CTXND2: variants seen among roughly 807,000 people sequenced by gnomAD.
CTXND2 encodes the protein cortexin domain containing 2.
At chr1:150,899,679 C>T (rs1256901905) in intron 1 of CTXND2, among the ~76,000 whole-genome samples, 1 of 152,082 alleles carries the variant, frequency 6.6e-6, no homozygotes, top group Non-Finnish European at 1.5e-5. Context: ...AAAACATGGC[C>T]TGATGCAGTG....
At chr1:150,902,040 C>T (rs587630113) in intron 1 of CTXND2, among the ~76,000 whole-genome samples, 8 of 152,070 alleles carry the variant, frequency 5.3e-5, no homozygotes, top group Non-Finnish European at 1.2e-4. Context: ...CCGAGGCAGG[C>T]GGATTACCTG....
chr1:150,887,425 T>C (rs1668788168), intron 1 of CTXND2, 112 bp downstream of exon 1: 1 of 151,288 alleles, frequency 6.6e-6, no homozygotes, highest in Admixed American at 6.7e-5. Flanking sequence ...CGTGGGGAAA[T>C]GACTGAAGGA....
At chr1:150,903,103 G>A (rs910221673) in intron 1 of CTXND2, among the ~76,000 whole-genome samples, 1 of 152,144 alleles carries the variant, frequency 6.6e-6, no homozygotes, top group African/African-American at 2.4e-5. Flanking sequence ...TTATAGCACA[G>A]CTGTAATTGA....
At chr1:150,911,441 AT>A (rs773402445) in intron 1 of CTXND2, among the ~76,000 whole-genome samples, 140 of 139,778 alleles carry the variant, frequency 1.0e-3, no homozygotes, top group Middle Eastern at 3.6e-3. Flanking sequence ...ATGTAAATTT[AT>A]TTTTTTTTTT....
intron 1 of CTXND2, among the ~76,000 whole-genome samples, chr1:150,910,971 A>AT (rs1334317766): frequency 1.3e-5 from 2 of 151,588 alleles, no homozygotes; most frequent in East Asian, 3.9e-4. Flanking sequence ...CGCCCAGCTA[A>AT]TTTTTTGTAT....
intron 1 of CTXND2, among the ~76,000 whole-genome samples, chr1:150,901,316 C>T (rs1163407313): frequency 1.3e-5 from 2 of 152,190 alleles, no homozygotes; most frequent in Non-Finnish European, 2.9e-5. Flanking sequence ...GATGCCAGTA[C>T]TCTCTAAATT....
At chr1:150,888,470 G>A (rs374973757) in intron 1 of CTXND2, among the ~76,000 whole-genome samples, 2 of 151,720 alleles carry the variant, frequency 1.3e-5, no homozygotes, top group Non-Finnish European at 1.5e-5. Context: ...CCGCGACCTC[G>A]GCCTCCCAAA....
At chr1:150,890,453 G>A (rs1380044482) in intron 1 of CTXND2, among the ~76,000 whole-genome samples, 3 of 152,152 alleles carry the variant, frequency 2.0e-5, no homozygotes, top group African/African-American at 7.2e-5. Context: ...TGATTAGAAG[G>A]TGGTACAAGA....
chr1:150,896,717 T>C (rs1309047060), intron 1 of CTXND2, among the ~76,000 whole-genome samples: 55 of 152,194 alleles, frequency 3.6e-4, no homozygotes, highest in Non-Finnish European at 2.1e-4. Flanking sequence ...AAGTTTTACA[T>C]ACCCACTTTA....
chr1:150,900,202 A>G (rs1571600779), intron 1 of CTXND2, among the ~76,000 whole-genome samples: 1 of 152,130 alleles, frequency 6.6e-6, no homozygotes, highest in Admixed American at 6.5e-5. Flanking sequence ...TGTAATACTC[A>G]CCGTGAAGGT....
intron 1 of CTXND2, among the ~76,000 whole-genome samples, chr1:150,902,840 G>C (rs1669065361): frequency 6.6e-6 from 1 of 152,150 alleles, no homozygotes; most frequent in East Asian, 1.9e-4. Context: ...TGAAGGGAAA[G>C]TAGTCACCTT....
chr1:150,893,379 T>G (rs1284719214), intron 1 of CTXND2, among the ~76,000 whole-genome samples: 1 of 152,208 alleles, frequency 6.6e-6, no homozygotes, highest in Non-Finnish European at 1.5e-5. Context: ...AAAGTTAATA[T>G]AGTGAACATT....
chr1:150,888,011 A>G (rs960935629), intron 1 of CTXND2, among the ~76,000 whole-genome samples: 4 of 151,940 alleles, frequency 2.6e-5, no homozygotes, highest in East Asian at 1.9e-4. Flanking sequence ...TTCTCCTACT[A>G]TAATCCCAAG....
intron 1 of CTXND2, among the ~76,000 whole-genome samples, chr1:150,900,874 G>A (rs917339351): frequency 6.6e-6 from 1 of 152,192 alleles, no homozygotes; most frequent in African/African-American, 2.4e-5. Context: ...GCTCACGCCT[G>A]TAATCCAAAG....
In CTXND2 at chr1:150,912,231, C is replaced by T. The variant is rs1669268198; in HGVS notation, c.-73-11C>T. On this transcript the variant is annotated splice_polypyrimidine_tract_variant and intron_variant, in intron 1 of 1. Transcript: ENST00000636087. ...CAAACCGATAAGCCTGTTTTATCCT[C>T]CTTTGTCTAGGAATATGACAAATCT... 1 of 397,888 alleles carries T rather than the reference C, an allele frequency of 2.5e-6. No individual in the cohort carries two copies. The highest frequency in any genetic ancestry group is 4.4e-6 in the Non-Finnish European group (1 of 225,988). 24.6% of individuals were successfully genotyped at this position (397,888 alleles called of 1,614,324 possible).
intron 1 of CTXND2, among the ~76,000 whole-genome samples, chr1:150,891,246 G>A (rs945275189): frequency 6.7e-5 from 10 of 149,672 alleles, no homozygotes; most frequent in Middle Eastern, 3.4e-3. Context: ...ACGGAGTCTC[G>A]CTCTGTCGCC....
At chr1:150,909,256 A>G (rs950003989) in intron 1 of CTXND2, among the ~76,000 whole-genome samples, 67 of 149,506 alleles carry the variant, frequency 4.5e-4, no homozygotes, top group Non-Finnish European at 8.9e-4. Context: ...AAAAAAAAAA[A>G]GTACAAAAGT....
chr1:150,890,818 T>C (rs1437942159), intron 1 of CTXND2, among the ~76,000 whole-genome samples: 1 of 152,124 alleles, frequency 6.6e-6, no homozygotes, highest in Non-Finnish European at 1.5e-5. Context: ...TGAAATTTTA[T>C]ACCCTTCACT....
chr1:150,888,597 C>G (rs1047402834), intron 1 of CTXND2, among the ~76,000 whole-genome samples: 5 of 151,968 alleles, frequency 3.3e-5, no homozygotes, highest in African/African-American at 1.2e-4. Context: ...CATACAAAAT[C>G]TGGATCACTG....
Sources: gnomAD v4.1 joint callset for allele counts (sites outside exome capture counted in the v4.1 genomes callset) on GRCh38, gnomAD v4.1.1 for gene constraint, MANE v1.5 for transcripts, NCBI Gene and HGNC (gene_info 2026-07-23, HGNC 2026-07-21) for gene names.